CAMKMT: variants seen among roughly 807,000 people sequenced by gnomAD.
CAMKMT encodes calmodulin-lysine N-methyltransferase.
Under a neutral mutation model 48.0 loss-of-function variants are expected in CAMKMT, and 53 were observed. That is an observed-to-expected ratio of 1.10 (90% CI 0.89 to 1.39). The LOEUF (loss-of-function observed/expected upper bound fraction) is 1.39. CAMKMT is among the 40% of genes most tolerant of loss of function. CAMKMT has a pLI of 0.00. For missense variants in CAMKMT, 428 were observed against 402.7 expected (o/e 1.06, Z -0.54); for synonymous variants, 165 against 152.3 (o/e 1.08, Z -0.61).
At chr2:44,507,952 C>T (rs1159719182) in intron 3 of CAMKMT, among the ~76,000 whole-genome samples, 2 of 152,326 alleles carry the variant, frequency 1.3e-5, no homozygotes, top group Admixed American at 1.3e-4. Flanking sequence ...CTTTGAGTAG[C>T]ACTGTTCCAG....
At chr2:44,443,634 T>C (rs1458025512) in intron 3 of CAMKMT, among the ~76,000 whole-genome samples, 1 of 152,196 alleles carries the variant, frequency 6.6e-6, no homozygotes. Flanking sequence ...ATCATCCTCA[T>C]AATGAAGCCA....
At chr2:44,515,990 A>T (rs1670813324) in intron 3 of CAMKMT, among the ~76,000 whole-genome samples, 1 of 152,118 alleles carries the variant, frequency 6.6e-6, no homozygotes, top group African/African-American at 2.4e-5. Context: ...TTTGCATTTT[A>T]TTTTTATTTT....
intron 3 of CAMKMT, among the ~76,000 whole-genome samples, chr2:44,627,535 AG>A (rs1383635543): frequency 6.6e-6 from 1 of 152,000 alleles, no homozygotes; most frequent in East Asian, 1.9e-4. Context: ...TGGGAAAAAA[AG>A]TTTCGTTCAC....
intron 3 of CAMKMT, among the ~76,000 whole-genome samples, chr2:44,505,609 G>T (rs547303794): frequency 1.1e-4 from 17 of 152,238 alleles, no homozygotes; most frequent in South Asian, 6.2e-4. Flanking sequence ...CTGATGTCCA[G>T]TTGCTCTATT....
At chr2:44,617,972 C>G (rs1182634506) in intron 3 of CAMKMT, among the ~76,000 whole-genome samples, 1 of 152,182 alleles carries the variant, frequency 6.6e-6, no homozygotes, top group East Asian at 1.9e-4. Flanking sequence ...AAGCATACAA[C>G]TATCAAACTT....
intron 3 of CAMKMT, among the ~76,000 whole-genome samples, chr2:44,587,351 A>G (rs1302590448): frequency 2.0e-5 from 3 of 152,206 alleles, no homozygotes; most frequent in African/African-American, 4.8e-5. Context: ...CAGGTTTTAC[A>G]TATCTTTTGT....
At chr2:44,617,290 C>A (rs1671944572) in intron 3 of CAMKMT, among the ~76,000 whole-genome samples, 1 of 152,084 alleles carries the variant, frequency 6.6e-6, no homozygotes, top group African/African-American at 2.4e-5. Context: ...AGTTTTTAAT[C>A]TCATTGTATT....
At chr2:44,768,881 A>C (rs1190857464) in intron 10 of CAMKMT, among the ~76,000 whole-genome samples, 3 of 152,136 alleles carry the variant, frequency 2.0e-5, no homozygotes, top group Non-Finnish European at 2.9e-5. Flanking sequence ...TTATCCTCTT[A>C]GCCCTACTGT....
chr2:44,724,543 C>T (rs188326504), intron 7 of CAMKMT, among the ~76,000 whole-genome samples: 7 of 152,246 alleles, frequency 4.6e-5, no homozygotes, highest in Admixed American at 2.6e-4. Context: ...GAGCATGCTT[C>T]GAGAAGCCCA....
chr2:44,719,151 C>T (rs762304143), intron 7 of CAMKMT, among the ~76,000 whole-genome samples: 4 of 152,108 alleles, frequency 2.6e-5, no homozygotes, highest in Admixed American at 1.3e-4. Context: ...CACTTGCCTC[C>T]GACAGATATG....
At position 44,390,375 on chromosome 2, in the gene CAMKMT, C is replaced by A. The variant is rs747645780; in HGVS notation, c.376+70C>A. On this transcript the variant is annotated intron_variant, in intron 3 of 10. Coordinates refer to ENST00000378494, the MANE Select transcript of CAMKMT (RefSeq NM_024766.5). ...AAAGTGAATTTATAGTTGATGTTTT[C>A]TTCTCACTAATATTTATTATACTCA... 12 of 1,102,590 alleles carry A rather than the reference C, an allele frequency of 1.1e-5. No homozygotes were observed. In the South Asian group the frequency reaches 1.7e-4, roughly 15 times the overall value. 68.3% of individuals were successfully genotyped at this position (1,102,590 alleles called of 1,614,324 possible). A position where few individuals can be genotyped will look rare whatever the true frequency, so the allele number is the denominator to read the frequency against.
rs552000219 is a variant in CAMKMT, at chr2:44,519,937, C to T, written c.376+129632C>T. On this transcript the variant is annotated intron_variant, in intron 3 of 10. Coordinates refer to ENST00000378494, the MANE Select transcript of CAMKMT (RefSeq NM_024766.5). ...TTAAATTTTAGTTGAGATGGCCGGG[C>T]GCGGTGGCTCATGCCTGTAATCCCA... 2.6e-5 allele frequency among the ~76,000 whole-genome samples: 4 copies of T among 151,998 alleles called. No homozygotes were observed. The South Asian group carries it at 6.2e-4, about 24-fold the overall frequency.
chr2:44,493,532 A>C (rs1411742310), intron 3 of CAMKMT, among the ~76,000 whole-genome samples: 1 of 152,184 alleles, frequency 6.6e-6, no homozygotes, highest in Non-Finnish European at 1.5e-5. Context: ...AAATTATTTG[A>C]TAATAATGAT....
chr2:44,395,657 G>C lies in CAMKMT; in HGVS notation c.376+5352G>C, dbSNP rs71420095. ...TTAACTCCTTATGTAAAATTGAATA[G>C]GAAACAATAAGTACTTTATAGTGAG... On this transcript the variant is annotated intron_variant, in intron 3 of 10. Transcript: ENST00000378494. 3.5e-3 allele frequency among the ~76,000 whole-genome samples: 529 copies of C among 152,156 alleles called. 3 individuals are homozygous for C. The highest frequency in any genetic ancestry group is 4.6e-3 in the Non-Finnish European group (315 of 67,962).
At chr2:44,705,321 A>G in intron 4 of CAMKMT, 1 of 985,022 alleles carries the variant, frequency 1.0e-6, no homozygotes, top group Non-Finnish European at 1.2e-6. Flanking sequence ...TCTTGAGGTA[A>G]TAAACTTCCC....
intron 3 of CAMKMT, among the ~76,000 whole-genome samples, chr2:44,540,296 T>G (rs1572750671): frequency 1.3e-5 from 2 of 152,188 alleles, no homozygotes; most frequent in African/African-American, 4.8e-5. Context: ...CCCTTCAAGC[T>G]GGTCCCTTTG....
intron 3 of CAMKMT, among the ~76,000 whole-genome samples, chr2:44,649,999 C>T (rs1023749792): frequency 3.3e-5 from 5 of 152,224 alleles, no homozygotes; most frequent in African/African-American, 9.6e-5. Flanking sequence ...AATACAACTT[C>T]TCCATAATTC....
chr2:44,371,396 G>C (rs1679168026), intron 1 of CAMKMT, among the ~76,000 whole-genome samples: 2 of 152,218 alleles, frequency 1.3e-5, no homozygotes, highest in Non-Finnish European at 2.9e-5. Flanking sequence ...TAGGATTACA[G>C]ACATGAGCCA....
At chr2:44,741,776 C>T (rs764344703) in intron 7 of CAMKMT, among the ~76,000 whole-genome samples, 30 of 152,294 alleles carry the variant, frequency 2.0e-4, no homozygotes, top group Non-Finnish European at 3.5e-4. Flanking sequence ...CATACCCAGT[C>T]GCTGCTTAGA....
Sources: allele counts gnomAD v4.1 joint callset (sites outside exome capture counted in the v4.1 genomes callset), GRCh38; gene constraint gnomAD v4.1.1; transcripts MANE v1.5; gene names NCBI Gene and HGNC (gene_info 2026-07-23, HGNC 2026-07-21).